The following CFAP77 variants were observed in gnomAD, a reference collection of about 807,000 sequenced individuals.
CFAP77 encodes the protein cilia- and flagella-associated protein 77.
In CFAP77, 25 loss-of-function variants were observed where a neutral mutation model predicts 31.1. The ratio of observed to expected loss-of-function variants is 0.80; its 90% CI spans 0.59 to 1.12. The LOEUF (loss-of-function observed/expected upper bound fraction) is 1.12, where lower values mean the gene tolerates loss of function less well. Among genes scored for constraint, CFAP77 ranks in the 50% most tolerant of loss-of-function variants. The probability of loss-of-function intolerance (pLI) is 0.00; values close to 1 mark genes in which losing one functional copy is unlikely to be tolerated. For missense variants in CFAP77, 377 were observed against 397.3 expected, an observed-to-expected ratio of 0.95 and a Z score of 0.44; for synonymous variants, 151 against 159.9, an observed-to-expected ratio of 0.94 and a Z score of 0.42.
At chr9:132,553,865 G>A (rs374594061) in intron 5 of CFAP77, among the ~76,000 whole-genome samples, 38 of 152,142 alleles carry the variant, frequency 2.5e-4, no homozygotes, top group African/African-American at 8.5e-4. Flanking sequence ...GTCTATCAAC[G>A]CCACTTGAAT....
intron 1 of CFAP77, among the ~76,000 whole-genome samples, chr9:132,444,456 A>G (rs1850669809): frequency 6.6e-6 from 1 of 152,030 alleles, no homozygotes; most frequent in Non-Finnish European, 1.5e-5. Context: ...GAGCACATAC[A>G]CTCAGCACAT....
chr9:132,545,274 T>C lies in CFAP77; in HGVS notation c.732+2227T>C, dbSNP rs938076880. Among the ~76,000 whole-genome samples, 10 of 152,178 alleles carry C rather than the reference T, an allele frequency of 6.6e-5. 1 individual carries two copies. The highest frequency in any genetic ancestry group is 2.4e-4 in the African/African-American group (10 of 41,442). ...GGCACTGTGTGAGGTCATGTGTGCA[T>C]ATTACTTCATTTCAGCCTCAGAACA... On this transcript the variant is annotated intron_variant, in intron 5 of 5. Coordinates refer to ENST00000393216, the MANE Select transcript of CFAP77 (RefSeq NM_001282957.2). This position sits in a 1 kb window ranked among gnomAD's most constrained non-coding sequence, Gnocchi z 4.6.
At chr9:132,496,247 G>A (rs1307249564) in intron 1 of CFAP77, among the ~76,000 whole-genome samples, 2 of 151,982 alleles carry the variant, frequency 1.3e-5, no homozygotes, top group South Asian at 2.1e-4. Context: ...CCCTTTCCTT[G>A]TGGGGCACAC....
chr9:132,542,726 T>G (rs1852666567), intron 4 of CFAP77, among the ~76,000 whole-genome samples: 1 of 150,400 alleles, frequency 6.6e-6, no homozygotes, highest in Non-Finnish European at 1.5e-5. Context: ...TGTCCTGGGG[T>G]CCCACCCCCC....
chr9:132,568,241 G>A (rs905664662), intron 5 of CFAP77, among the ~76,000 whole-genome samples: 4 of 152,108 alleles, frequency 2.6e-5, no homozygotes, highest in Non-Finnish European at 4.4e-5. Flanking sequence ...GCTGTACAAC[G>A]CTGTGCCTAG....
intron 5 of CFAP77, among the ~76,000 whole-genome samples, chr9:132,568,205 G>A (rs946336440): frequency 6.6e-6 from 1 of 152,082 alleles, no homozygotes; most frequent in African/African-American, 2.4e-5. Flanking sequence ...TTTCATTTAC[G>A]CAAAATGAAT....
intron 3 of CFAP77, among the ~76,000 whole-genome samples, chr9:132,533,327 T>C (rs7851464): frequency 0.39 from 58,684 of 152,064 alleles, 11,532 homozygotes; most frequent in African/African-American, 0.47. Context: ...GGAACCCCTG[T>C]GTACGAGTGT....
intron 1 of CFAP77, among the ~76,000 whole-genome samples, chr9:132,493,145 G>GT (rs1851677344): frequency 6.6e-6 from 1 of 152,170 alleles, no homozygotes; most frequent in African/African-American, 2.4e-5. Flanking sequence ...ATGTAGTGTA[G>GT]CCTGCCCAAG....
chr9:132,412,913 T>C (rs1460557303), intron 1 of CFAP77, among the ~76,000 whole-genome samples: 1 of 152,178 alleles, frequency 6.6e-6, no homozygotes, highest in Non-Finnish European at 1.5e-5. Context: ...TTCACCATCA[T>C]AGATTTTCAG....
intron 1 of CFAP77, among the ~76,000 whole-genome samples, chr9:132,463,823 A>G (rs1193375548): frequency 6.6e-6 from 1 of 152,170 alleles, no homozygotes; most frequent in Non-Finnish European, 1.5e-5. Flanking sequence ...TGTCCCTGCT[A>G]TCTGTGCATG....
chr9:132,571,948 T>C (rs1829964473), intron 5 of CFAP77, among the ~76,000 whole-genome samples: 1 of 151,766 alleles, frequency 6.6e-6, no homozygotes, highest in Non-Finnish European at 1.5e-5. Context: ...GTTCAGCTCT[T>C]GACTCCTGTG....
At position 132,565,396 on chromosome 9, in the gene CFAP77, G is replaced by T. The variant is rs1413214639; in HGVS notation, c.733-6992G>T. ...TGTAATCCCAGCACTTTGGGAGGCC[G>T]AGGTGAGTGGATCACCTGAGGTCAG... On this transcript the variant is annotated intron_variant, in intron 5 of 5. Coordinates refer to ENST00000393216, the MANE Select transcript of CFAP77 (RefSeq NM_001282957.2). The surrounding 1 kb of genome is among the most constrained non-coding windows in gnomAD (Gnocchi z 4.1). Among the ~76,000 whole-genome samples, 1 of 152,034 alleles carries T rather than the reference G, an allele frequency of 6.6e-6. No homozygotes were observed. Among genetic ancestry groups the T allele is most frequent in the Non-Finnish European group, 1.5e-5 (1 of 68,018 alleles).
At chr9:132,555,441 G>T (rs924860468) in intron 5 of CFAP77, among the ~76,000 whole-genome samples, 1 of 152,158 alleles carries the variant, frequency 6.6e-6, no homozygotes, top group African/African-American at 2.4e-5. Context: ...AGTACTGACG[G>T]GCACTGCATG....
intron 1 of CFAP77, among the ~76,000 whole-genome samples, chr9:132,416,755 A>C (rs1850108945): frequency 6.6e-6 from 1 of 151,074 alleles, no homozygotes; most frequent in Non-Finnish European, 1.5e-5. Flanking sequence ...CTCCTGCCTC[A>C]GCCACCCGAG....
At chr9:132,431,342 T>C (rs1236178337) in intron 1 of CFAP77, among the ~76,000 whole-genome samples, 1 of 152,208 alleles carries the variant, frequency 6.6e-6, no homozygotes, top group Non-Finnish European at 1.5e-5. Flanking sequence ...TCAGTCACAA[T>C]GTCCAAGGCA....
chr9:132,570,154 T>C (rs1279071694), intron 5 of CFAP77, among the ~76,000 whole-genome samples: 1 of 152,216 alleles, frequency 6.6e-6, no homozygotes, highest in Non-Finnish European at 1.5e-5. Flanking sequence ...CAGACTATTT[T>C]CCTCCTGCAC....
chr9:132,445,868 CAAA>C (rs559749361), intron 1 of CFAP77, among the ~76,000 whole-genome samples: 6 of 64,398 alleles, frequency 9.3e-5, no homozygotes, highest in Admixed American at 3.8e-4. Flanking sequence ...GACTCGATCT[CAAA>C]AAAAAAAAAA....
intron 1 of CFAP77, among the ~76,000 whole-genome samples, chr9:132,454,981 A>T (rs573532208): frequency 6.6e-6 from 1 of 152,052 alleles, no homozygotes; most frequent in South Asian, 2.1e-4. Context: ...ACCTGAAGTG[A>T]GGACATCACA....
At position 132,511,140 on chromosome 9, in the gene CFAP77, T is replaced by TAAC. The variant is rs1852030621; in HGVS notation, c.524+11542_524+11544dup. On this transcript the variant is annotated intron_variant, in intron 3 of 5. Coordinates refer to ENST00000393216, the MANE Select transcript of CFAP77 (RefSeq NM_001282957.2). The surrounding 1 kb of genome is among the most constrained non-coding windows in gnomAD (Gnocchi z 5.8). ...CAAACCAATATGCAATCAGCAGGTA[T>TAAC]AACAGCAAGGCAGTGCATGCTGTTT... Among the ~76,000 whole-genome samples, 1 of 152,194 alleles carries TAAC rather than the reference T, an allele frequency of 6.6e-6. No homozygotes were observed. Among genetic ancestry groups the TAAC allele is most frequent in the Non-Finnish European group, 1.5e-5 (1 of 68,022 alleles).
Sources: gnomAD v4.1 joint callset for allele counts (sites outside exome capture counted in the v4.1 genomes callset) on GRCh38, gnomAD v4.1.1 for gene constraint, Gnocchi (gnomAD v3.1) non-coding constraint, MANE v1.5 for transcripts, NCBI Gene and HGNC (gene_info 2026-07-23, HGNC 2026-07-21) for gene names.